USP34: variants seen among roughly 807,000 people sequenced by gnomAD.
USP34 encodes ubiquitin carboxyl-terminal hydrolase 34.
A neutral mutation model predicts 460.3 loss-of-function variants in USP34; 70 were observed. That is an observed-to-expected ratio of 0.15 (90% confidence interval 0.13 to 0.19). The LOEUF is 0.19. USP34 is among the 10% of genes least tolerant of loss of function. USP34 has a pLI of 1.00. For missense variants in USP34, 3,985 were observed against 4,236.2 expected (o/e 0.94, Z 1.65); for synonymous variants, 1,647 against 1,405.3 (o/e 1.17, Z -3.85).
At chr2:61,325,281 A>C in intron 21 of USP34, 94 bp downstream of exon 21, 9 of 795,656 alleles carry the variant, frequency 1.1e-5, no homozygotes, top group Non-Finnish European at 1.5e-5. Flanking sequence ...TAAACTAAAA[A>C]AAAAAAAAAA....
At position 61,294,907 on chromosome 2, in the gene USP34, A is replaced by G. The variant is rs200375937; in HGVS notation, c.4461+42T>C. 15 of 1,522,744 alleles carry G rather than the reference A, an allele frequency of 9.9e-6. No individual in the cohort carries two copies. The East Asian group carries it at 3.2e-4, about 32-fold the overall frequency. The allele number at this position is 1,522,744 out of a possible 1,614,324, so 94.3% of individuals were successfully genotyped here. A position where few individuals can be genotyped will look rare whatever the true frequency, so the allele number is the denominator to read the frequency against. ...ACCCACTTTTGAAAAACTGAAGATA[A>G]ATTATTTTTATCAATACATTGAAAA... On this transcript the variant is annotated intron_variant, in intron 32 of 79. Coordinates refer to ENST00000398571, the MANE Select transcript of USP34 (RefSeq NM_014709.4).
intron 3 of USP34, among the ~76,000 whole-genome samples, chr2:61,401,190 G>GTA (rs1190174397): frequency 6.7e-6 from 1 of 149,910 alleles, no homozygotes; most frequent in Non-Finnish European, 1.5e-5. Flanking sequence ...AAACCTTCAT[G>GTA]TATATATTTC....
chr2:61,318,959 T>C (rs1690831668), intron 22 of USP34, among the ~76,000 whole-genome samples: 1 of 152,164 alleles, frequency 6.6e-6, no homozygotes, highest in Non-Finnish European at 1.5e-5. Flanking sequence ...TAGAACATTT[T>C]TATAAATATA....
At chr2:61,271,933 T>C (rs1341657549) in intron 41 of USP34, among the ~76,000 whole-genome samples, 1 of 152,230 alleles carries the variant, frequency 6.6e-6, no homozygotes, top group Non-Finnish European at 1.5e-5. Context: ...CATATTTTCC[T>C]TAATATTACA....
At chr2:61,194,143 A>G (rs961501098) in intron 75 of USP34, 3 of 985,288 alleles carry the variant, frequency 3.0e-6, no homozygotes, top group Non-Finnish European at 3.6e-6. Flanking sequence ...CAGGCAAGTC[A>G]GGTCACTCAC....
intron 69 of USP34, among the ~76,000 whole-genome samples, 183 bp from the exon 70 acceptor site, chr2:61,209,160 AC>A (rs1687202736): frequency 6.6e-6 from 1 of 152,180 alleles, no homozygotes; most frequent in South Asian, 2.1e-4. Context: ...ATAAACTCTA[AC>A]TAAAAAAAAG....
intron 41 of USP34, among the ~76,000 whole-genome samples, chr2:61,268,384 A>G (rs1689115156): frequency 7.1e-6 from 1 of 140,252 alleles, no homozygotes; most frequent in African/African-American, 2.7e-5. Flanking sequence ...CCTGGTACCT[A>G]CCACACAGGA....
At chr2:61,229,065 T>C (rs1687810316) in intron 59 of USP34, 70 bp from the exon 60 acceptor site, 2 of 1,225,630 alleles carry the variant, frequency 1.6e-6, no homozygotes, top group Admixed American at 5.4e-5. Context: ...GAAAAAGTAC[T>C]TTTTAAACTC....
chr2:61,216,399 G>C (rs1396933505), intron 67 of USP34, among the ~76,000 whole-genome samples: 1 of 150,086 alleles, frequency 6.7e-6, no homozygotes, highest in African/African-American at 2.5e-5. Flanking sequence ...AGGAGCTCGA[G>C]ATCATCCTGG....
At chr2:61,316,081 C>T (rs964526082) in intron 23 of USP34, among the ~76,000 whole-genome samples, 10 of 151,142 alleles carry the variant, frequency 6.6e-5, no homozygotes, top group African/African-American at 1.2e-4. Flanking sequence ...AGGCATGCGC[C>T]TATAATCCCA....
chr2:61,268,618 GAACT>G (rs1431352454), intron 41 of USP34, among the ~76,000 whole-genome samples: 1 of 151,710 alleles, frequency 6.6e-6, no homozygotes, highest in Non-Finnish European at 1.5e-5. Context: ...ACCGCAAAAT[GAACT>G]AATACAGCAA....
At chr2:61,389,059 T>C (rs1693260662) in intron 5 of USP34, among the ~76,000 whole-genome samples, 1 of 152,130 alleles carries the variant, frequency 6.6e-6, no homozygotes, top group South Asian at 2.1e-4. Flanking sequence ...TCCATCTGCA[T>C]GGTGAAAACA....
intron 2 of USP34, among the ~76,000 whole-genome samples, chr2:61,407,250 G>C (rs1693900565): frequency 6.6e-6 from 1 of 152,128 alleles, no homozygotes; most frequent in Non-Finnish European, 1.5e-5. Context: ...GAATCAGCTA[G>C]GCATCGTGGC....
chr2:61,288,241 C>CACT (rs1278280540), intron 34 of USP34, among the ~76,000 whole-genome samples: 3 of 152,176 alleles, frequency 2.0e-5, no homozygotes, highest in Non-Finnish European at 4.4e-5. Flanking sequence ...ATAACCCAAC[C>CACT]ACTTCCCTAA....
chr2:61,211,612 C>T (rs1355903007), intron 69 of USP34, among the ~76,000 whole-genome samples, 160 bp downstream of exon 69: 2 of 152,104 alleles, frequency 1.3e-5, no homozygotes, highest in African/African-American at 4.8e-5. Context: ...CAAAGCCAGA[C>T]CAAAAACTGT....
At chr2:61,344,955 T>A (rs1691719201) in intron 15 of USP34, among the ~76,000 whole-genome samples, 2 of 152,074 alleles carry the variant, frequency 1.3e-5, no homozygotes, top group South Asian at 4.1e-4. Flanking sequence ...TTAGCATTGC[T>A]ATACATTCAA....
intron 42 of USP34, 102 bp from the exon 43 acceptor site, chr2:61,265,659 T>A: frequency 9.6e-7 from 1 of 1,039,414 alleles, no homozygotes; most frequent in Non-Finnish European, 1.3e-6. Context: ...GTTACCTCAT[T>A]AATATATATA....
At chr2:61,191,773 C>A (rs949510208) in intron 76 of USP34, among the ~76,000 whole-genome samples, 2 of 152,046 alleles carry the variant, frequency 1.3e-5, no homozygotes, top group African/African-American at 2.4e-5. Context: ...CAAGAAACTA[C>A]CCAAATCAGG....
chr2:61,466,474 G>A (rs537676708), intron 1 of USP34, among the ~76,000 whole-genome samples: 2 of 152,142 alleles, frequency 1.3e-5, no homozygotes, highest in Non-Finnish European at 2.9e-5. Flanking sequence ...GGAGGATACT[G>A]AATGTTCCCA....
Sources: allele counts gnomAD v4.1 joint callset (sites outside exome capture counted in the v4.1 genomes callset), GRCh38; gene constraint gnomAD v4.1.1; transcripts MANE v1.5; gene names NCBI Gene and HGNC (gene_info 2026-07-23, HGNC 2026-07-21).